The following SNTG2 variants were observed in gnomAD, a reference collection of about 807,000 sequenced individuals.
SNTG2 encodes gamma-2-syntrophin.
In SNTG2, 74 loss-of-function variants were observed where a neutral mutation model predicts 70.9. The observed-to-expected ratio is 1.04, with a 90% CI of 0.86 to 1.27. The LOEUF is 1.27. Among genes scored for constraint, SNTG2 ranks in the 50% most tolerant of loss-of-function variants. The pLI is 0.00. For missense variants in SNTG2, 717 were observed against 690.7 expected (o/e 1.04, Z -0.43); for synonymous variants, 278 against 273.8 (o/e 1.02, Z -0.15).
At chr2:1,176,703 A>G (rs992769902) in intron 8 of SNTG2, among the ~76,000 whole-genome samples, 1 of 152,292 alleles carries the variant, frequency 6.6e-6, no homozygotes, top group East Asian at 1.9e-4. Flanking sequence ...ACTTCTCAAA[A>G]GAAGACATTC....
At chr2:952,074 T>C (rs73160969) in intron 1 of SNTG2, among the ~76,000 whole-genome samples, 1,938 of 152,336 alleles carry the variant, frequency 0.013, 32 homozygotes, top group African/African-American at 0.044. Context: ...CAGGTGCATC[T>C]TCATTCAAGT....
chr2:1,295,405 G>A (rs753464563), intron 14 of SNTG2, among the ~76,000 whole-genome samples: 28 of 152,146 alleles, frequency 1.8e-4, no homozygotes, highest in Non-Finnish European at 3.7e-4. Flanking sequence ...CAAAGTATCC[G>A]CTTCAGTAAG....
intron 14 of SNTG2, among the ~76,000 whole-genome samples, chr2:1,294,227 T>C (rs1258299455): frequency 1.3e-5 from 2 of 151,960 alleles, no homozygotes; most frequent in African/African-American, 4.8e-5. Flanking sequence ...ATCCTTCAGG[T>C]CCCATTGGGG....
chr2:1,015,081 A>G (rs369830582), intron 1 of SNTG2, among the ~76,000 whole-genome samples: 1 of 152,104 alleles, frequency 6.6e-6, no homozygotes, highest in African/African-American at 2.4e-5. Context: ...GCTGAGACGC[A>G]GGCGGGAAAC....
chr2:971,481 C>A (rs1405090883), intron 1 of SNTG2, among the ~76,000 whole-genome samples: 1 of 151,700 alleles, frequency 6.6e-6, no homozygotes, highest in Admixed American at 6.6e-5. Context: ...TTTTGTATTT[C>A]TGTGGGGTCA....
At chr2:1,314,375 A>C (rs1167800578) in intron 15 of SNTG2, among the ~76,000 whole-genome samples, 2 of 152,214 alleles carry the variant, frequency 1.3e-5, no homozygotes, top group African/African-American at 2.4e-5. Context: ...ACCTGAATCT[A>C]AGGGGCTGAA....
chr2:1,352,849 T>C (rs1449714764), intron 16 of SNTG2, among the ~76,000 whole-genome samples: 2 of 152,208 alleles, frequency 1.3e-5, no homozygotes, highest in African/African-American at 4.8e-5. Flanking sequence ...GCTTTGAGGC[T>C]AAGGATGCCT....
intron 1 of SNTG2, among the ~76,000 whole-genome samples, chr2:957,956 C>T (rs773734333): frequency 6.6e-6 from 1 of 152,176 alleles, no homozygotes; most frequent in Non-Finnish European, 1.5e-5. Flanking sequence ...AGTAATATAG[C>T]TTTTAGGGAA....
intron 16 of SNTG2, among the ~76,000 whole-genome samples, chr2:1,325,064 T>C (rs2148276716): frequency 6.6e-6 from 1 of 152,344 alleles, no homozygotes; most frequent in East Asian, 1.9e-4. Flanking sequence ...CTTTCCAAGG[T>C]ACTATTTACT....
At chr2:1,347,937 A>G (rs566733291) in intron 16 of SNTG2, among the ~76,000 whole-genome samples, 17 of 152,048 alleles carry the variant, frequency 1.1e-4, no homozygotes, top group African/African-American at 4.1e-4. Flanking sequence ...ATGGTATTTA[A>G]TTTAGATTTT....
intron 4 of SNTG2, among the ~76,000 whole-genome samples, chr2:1,111,745 C>G (rs972052058): frequency 1.3e-5 from 2 of 151,858 alleles, no homozygotes; most frequent in Admixed American, 6.6e-5. Context: ...TGAGAAGAAT[C>G]GTGTGTTCTA....
chr2:1,259,197 C>T (rs1678283807), intron 12 of SNTG2, among the ~76,000 whole-genome samples, 173 bp from the exon 13 acceptor site: 1 of 152,158 alleles, frequency 6.6e-6, no homozygotes, highest in African/African-American at 2.4e-5. Flanking sequence ...GAGGATGTGG[C>T]AACTCATCAA....
At chr2:965,675 G>A (rs1290260346) in intron 1 of SNTG2, among the ~76,000 whole-genome samples, 3 of 151,988 alleles carry the variant, frequency 2.0e-5, no homozygotes, top group Admixed American at 1.3e-4. Context: ...GGTGTCAGCT[G>A]CCCAGTGTGT....
chr2:1,312,959 A>G (rs1681079039), intron 15 of SNTG2, among the ~76,000 whole-genome samples: 2 of 152,194 alleles, frequency 1.3e-5, no homozygotes, highest in African/African-American at 2.4e-5. Flanking sequence ...TCCCAGGAAA[A>G]CATCAAGAAA....
intron 2 of SNTG2, among the ~76,000 whole-genome samples, chr2:1,092,433 A>G (rs1464148561): frequency 2.0e-5 from 3 of 152,162 alleles, no homozygotes; most frequent in Non-Finnish European, 4.4e-5. Flanking sequence ...CCTCACCACA[A>G]GAAGGGTTTT....
intron 14 of SNTG2, among the ~76,000 whole-genome samples, chr2:1,296,536 T>C (rs1680225562): frequency 1.3e-5 from 2 of 152,170 alleles, no homozygotes; most frequent in South Asian, 4.1e-4. Context: ...AAATACAGGG[T>C]CTTATCAGTC....
intron 2 of SNTG2, among the ~76,000 whole-genome samples, chr2:1,087,881 C>A (rs1664782145): frequency 6.6e-6 from 1 of 152,204 alleles, no homozygotes. Context: ...TTGAATGGAT[C>A]ATCACACTTG....
intron 4 of SNTG2, among the ~76,000 whole-genome samples, chr2:1,109,021 G>C (rs71440624): frequency 1.6e-3 from 119 of 72,418 alleles, no homozygotes; most frequent in Middle Eastern, 0.014. Flanking sequence ...ATGGAGAGCT[G>C]CTTGGTAATA....
intron 1 of SNTG2, among the ~76,000 whole-genome samples, chr2:1,032,148 C>G (rs1338578947): frequency 6.6e-6 from 1 of 152,144 alleles, no homozygotes; most frequent in Non-Finnish European, 1.5e-5. Flanking sequence ...GAAACACGGG[C>G]AGGCAGGGCC....
Sources: allele counts gnomAD v4.1 joint callset (sites outside exome capture counted in the v4.1 genomes callset), GRCh38; gene constraint gnomAD v4.1.1; transcripts MANE v1.5; gene names NCBI Gene and HGNC (gene_info 2026-07-23, HGNC 2026-07-21).